The following AKAP9 variants were observed in gnomAD, a reference collection of about 807,000 sequenced individuals.
AKAP9 encodes A-kinase anchor protein 9.
A neutral mutation model predicts 488.5 loss-of-function variants in AKAP9; 311 were observed. The observed-to-expected ratio is 0.64, with a 90% CI of 0.58 to 0.70. The LOEUF (loss-of-function observed/expected upper bound fraction) is 0.70, where lower values mean the gene tolerates loss of function less well. Among genes scored for constraint, AKAP9 ranks in the 30% least tolerant of loss-of-function variants. AKAP9 has a pLI of 0.00. For synonymous variants in AKAP9, 1,462 were observed against 1,483.5 expected (o/e 0.99, Z 0.33); for missense variants, 4,215 against 4,374.5 (o/e 0.96, Z 1.03).
At chr7:92,011,486 T>TAA (rs1177192509) in intron 8 of AKAP9, among the ~76,000 whole-genome samples, 1 of 152,180 alleles carries the variant, frequency 6.6e-6, no homozygotes, top group Non-Finnish European at 1.5e-5. Flanking sequence ...CAGTCATAAT[T>TAA]ACAAGGAAAT....
intron 28 of AKAP9, among the ~76,000 whole-genome samples, chr7:92,074,271 A>C (rs1462995273): frequency 6.6e-6 from 1 of 152,340 alleles, no homozygotes; most frequent in South Asian, 2.1e-4. Flanking sequence ...AGAAAAGCTC[A>C]TCATCACTGG....
chr7:92,105,862 G>A, intron 47 of AKAP9, 99 bp downstream of exon 47: 1 of 1,067,490 alleles, frequency 9.4e-7, no homozygotes, highest in Non-Finnish European at 1.4e-6. Context: ...GGCCTGTTAG[G>A]AACCAGGCCG....
intron 1 of AKAP9, among the ~76,000 whole-genome samples, chr7:91,973,006 CAG>C (rs1795276036): frequency 6.6e-6 from 1 of 152,236 alleles, no homozygotes; most frequent in African/African-American, 2.4e-5. Context: ...ATAGAAGACA[CAG>C]AAATTCCAGA....
chr7:91,954,351 C>G (rs1357350528), intron 1 of AKAP9, among the ~76,000 whole-genome samples: 1 of 152,160 alleles, frequency 6.6e-6, no homozygotes, highest in East Asian at 1.9e-4. Context: ...GTGGCATGAT[C>G]ATTACTCACT....
At chr7:92,057,798 A>G (rs1392523205) in intron 22 of AKAP9, 5 of 223,586 alleles carry the variant, frequency 2.2e-5, no homozygotes, top group Admixed American at 5.7e-5. Context: ...TTGCTCGTCT[A>G]ATTAGATGTT....
At chr7:91,986,226 G>T (rs1276989474) in intron 3 of AKAP9, among the ~76,000 whole-genome samples, 1 of 152,172 alleles carries the variant, frequency 6.6e-6, no homozygotes, top group Non-Finnish European at 1.5e-5. Flanking sequence ...GAATCTCCTG[G>T]TCTGCCAGTT....
At chr7:91,981,021 G>A (rs979292368) in intron 3 of AKAP9, among the ~76,000 whole-genome samples, 6 of 152,136 alleles carry the variant, frequency 3.9e-5, no homozygotes, top group Non-Finnish European at 8.8e-5. Context: ...TTAAATGAAC[G>A]TATTACTGTT....
At chr7:92,042,255 G>T (rs1044339366) in intron 19 of AKAP9, 69 bp downstream of exon 19, 3 of 1,596,824 alleles carry the variant, frequency 1.9e-6, no homozygotes, top group African/African-American at 1.3e-5. Flanking sequence ...TGTCTTTGTT[G>T]TTGGTATGAG....
At chr7:91,970,661 A>G (rs550262614) in intron 1 of AKAP9, among the ~76,000 whole-genome samples, 3 of 152,128 alleles carry the variant, frequency 2.0e-5, no homozygotes, top group East Asian at 3.9e-4. Context: ...ACATCCTCCT[A>G]TATGGTTTCT....
chr7:92,099,772 G>A lies in AKAP9; in HGVS notation c.10799G>A (p.Ser3600Asn). Residue 3600 changes from serine (S) to asparagine (N), a missense_variant, in exon 44 of 50, where the codon AGT becomes AAT. Ser to Asn is a conservative substitution (Grantham distance 46, BLOSUM62 1). Around this residue, in one of 5 missense-constraint regions of AKAP9, gnomAD observed 74 missense variants for 113.0 expected, o/e 0.65. Coordinates refer to ENST00000356239, the MANE Select transcript of AKAP9 (RefSeq NM_005751.5). ...AATGCTGAGCTGACAGGGCATATCAGTCAACTGACTGAAGAGAAGAATGAC... is the reference window on the plus strand; with the variant it reads ...AATGCTGAGCTGACAGGGCATATCAATCAACTGACTGAAGAGAAGAATGAC... ...RQNAELTGHISQLTEEKNDLR... is the reference protein window; with the variant it reads ...RQNAELTGHINQLTEEKNDLR... 7 of 1,614,080 alleles carry A rather than the reference G, an allele frequency of 4.3e-6. No individual in the cohort carries two copies. Among genetic ancestry groups the A allele is most frequent in the Non-Finnish European group, 5.9e-6 (7 of 1,179,988 alleles).
chr7:91,998,083 T>G (rs1432500050), intron 7 of AKAP9, among the ~76,000 whole-genome samples: 1 of 152,110 alleles, frequency 6.6e-6, no homozygotes, highest in Non-Finnish European at 1.5e-5. Context: ...ATTAGTTAGA[T>G]TCACATAAGG....
chr7:92,082,827 A>G (rs934218221), intron 32 of AKAP9, among the ~76,000 whole-genome samples, 165 bp downstream of exon 32: 2 of 152,208 alleles, frequency 1.3e-5, no homozygotes, highest in African/African-American at 4.8e-5. Context: ...TTCTTTACCA[A>G]CATCTTCTTG....
chr7:92,071,742 T>C (rs978122573), intron 28 of AKAP9, among the ~76,000 whole-genome samples: 1 of 152,208 alleles, frequency 6.6e-6, no homozygotes, highest in African/African-American at 2.4e-5. Flanking sequence ...TGAGAAGACT[T>C]ACTATATTTT....
At chr7:92,110,063 T>G in intron 49 of AKAP9, 59 bp from the exon 50 acceptor site, 2 of 1,275,452 alleles carry the variant, frequency 1.6e-6, no homozygotes, top group Non-Finnish European at 2.3e-6. Flanking sequence ...CTCTGGTGGG[T>G]CTGATACAGG....
Position 92,077,751 on chromosome 7 carries a change from A to G in AKAP9, c.6821A>G (p.Gln2274Arg), listed in dbSNP as rs923767056. The G allele has an allele frequency of 3.1e-6, 5 of 1,613,932 alleles. No individual in the cohort carries two copies. Among genetic ancestry groups the G allele is most frequent in the Non-Finnish European group, 4.2e-6 (5 of 1,179,924 alleles). Residue 2274 changes from glutamine (Q) to arginine (R), a missense_variant, in exon 30 of 50, where the codon CAA (glutamine) becomes CGA (arginine). Coordinates refer to ENST00000356239, the MANE Select transcript of AKAP9 (RefSeq NM_005751.5). ...AAGGAATCTGATGCCATGTCTACTC[A>G]AGACCAACATGTGCTATTTGGGAAA... ...AIKESDAMST[Q>R]DQHVLFGKFA...
At position 92,096,903 on chromosome 7, in the gene AKAP9, C is replaced by T. The variant is rs1317890000; in HGVS notation, c.9944C>T (p.Thr3315Ile). 1 of 1,614,020 alleles carries T rather than the reference C, an allele frequency of 6.2e-7. No individual in the cohort carries two copies. Among genetic ancestry groups the T allele is most frequent in the Non-Finnish European group, 8.5e-7 (1 of 1,180,048 alleles). ...EKVRIREMSSTLDRERELHAQ... is the reference protein window; with the variant it reads ...EKVRIREMSSILDRERELHAQ... ...GTTCGAATTCGGGAAATGAGTAGTA[C>T]CCTAGATAGGGAGCGGGAATTGCAC... The change falls in exon 41 of 50, where the codon ACC becomes ATC. Residue 3315 changes from threonine to isoleucine, a missense_variant. Transcript: ENST00000356239.
intron 30 of AKAP9, among the ~76,000 whole-genome samples, chr7:92,078,165 T>G (rs1366864505): frequency 6.6e-6 from 1 of 151,852 alleles, no homozygotes. Flanking sequence ...CCTGGCTAAT[T>G]TTTTGTATTT....
intron 3 of AKAP9, among the ~76,000 whole-genome samples, chr7:91,991,167 G>A (rs559976096): frequency 3.3e-5 from 5 of 152,226 alleles, no homozygotes; most frequent in Admixed American, 6.5e-5. Context: ...CATCCATTTC[G>A]TTACACTGAT....
chr7:92,049,475 G>T (rs1396183205), intron 21 of AKAP9, among the ~76,000 whole-genome samples: 1 of 152,056 alleles, frequency 6.6e-6, no homozygotes, highest in East Asian at 1.9e-4. Flanking sequence ...GCCAGGCGTG[G>T]TGGTGGGCGC....
Sources: gnomAD v4.1 joint callset for allele counts (sites outside exome capture counted in the v4.1 genomes callset) on GRCh38, gnomAD v4.1.1 for gene constraint, gnomAD v4.1.1 regional missense constraint, MANE v1.5 for transcripts, NCBI Gene and HGNC (gene_info 2026-07-23, HGNC 2026-07-21) for gene names.